The following B4GALNT3 variants were observed in gnomAD, a reference collection of about 807,000 sequenced individuals.
B4GALNT3 encodes beta-1,4-N-acetyl-galactosaminyltransferase 3, also known as beta-1,4-N-acetylgalactosaminyltransferase 3.
A neutral mutation model predicts 120.2 loss-of-function variants in B4GALNT3; 86 were observed. The ratio of observed to expected loss-of-function variants is 0.72; its 90% CI spans 0.60 to 0.86. The LOEUF is 0.86. B4GALNT3 is among the 40% of genes least tolerant of loss of function. The probability of loss-of-function intolerance (pLI) is 0.00; values close to 1 mark genes in which losing one functional copy is unlikely to be tolerated. For synonymous variants in B4GALNT3, 518 were observed against 510.4 expected (o/e 1.01, Z -0.20); for missense variants, 1,167 against 1,298.9 (o/e 0.90, Z 1.56).
intron 13 of B4GALNT3, 30 bp from the exon 14 acceptor site, chr12:553,164 G>C: frequency 6.2e-7 from 1 of 1,602,554 alleles, no homozygotes. Context: ...GGAAACTCTT[G>C]ACATGAGGAA....
chr12:548,640 T>C lies in B4GALNT3; in HGVS notation c.853+343T>C, dbSNP rs7954715. On this transcript the variant is annotated intron_variant, in intron 9 of 19. Coordinates refer to ENST00000266383, the MANE Select transcript of B4GALNT3 (RefSeq NM_173593.4). The surrounding 1 kb of genome is among the most constrained non-coding windows in gnomAD (Gnocchi z 4.9). ...CTAAAAACTCTGAGGCTGGGTGCGG[T>C]GGCTCATACCTGTAATCCCAGCACT... 0.4 allele frequency among the ~76,000 whole-genome samples: 60,279 copies of C among 152,068 alleles called. 12,183 individuals carry two copies. The highest frequency in any genetic ancestry group is 0.52 in the South Asian group (2,488 of 4,818).
chr12:494,391 T>C (rs1267375562), intron 1 of B4GALNT3, among the ~76,000 whole-genome samples: 5 of 152,120 alleles, frequency 3.3e-5, no homozygotes, highest in African/African-American at 1.2e-4. Flanking sequence ...ACATTGCATC[T>C]GGGGTCCCAA....
At chr12:554,015 C>T in intron 14 of B4GALNT3, 32 bp downstream of exon 14, 1 of 1,501,530 alleles carries the variant, frequency 6.7e-7, no homozygotes, top group African/African-American at 1.4e-5. Context: ...GGGCCAGGGA[C>T]TGGGGCACGT....
intron 1 of B4GALNT3, among the ~76,000 whole-genome samples, chr12:524,830 G>T (rs1311615916): frequency 2.6e-5 from 4 of 152,194 alleles, no homozygotes; most frequent in Admixed American, 2.6e-4. Context: ...GACCATTTAT[G>T]TCAAGTGCTT....
intron 3 of B4GALNT3, among the ~76,000 whole-genome samples, chr12:539,861 T>G (rs1330963206): frequency 6.6e-6 from 1 of 152,152 alleles, no homozygotes; most frequent in South Asian, 2.1e-4. Flanking sequence ...CAGAGAACCA[T>G]GATTGTGCCA....
At chr12:474,593 A>C (rs561839911) in intron 1 of B4GALNT3, among the ~76,000 whole-genome samples, 1 of 152,162 alleles carries the variant, frequency 6.6e-6, no homozygotes, top group Non-Finnish European at 1.5e-5. Flanking sequence ...CTAAGGTAGG[A>C]GGATGGCTTG....
At chr12:476,636 C>T (rs946559081) in intron 1 of B4GALNT3, among the ~76,000 whole-genome samples, 3 of 152,128 alleles carry the variant, frequency 2.0e-5, no homozygotes, top group East Asian at 1.9e-4. Flanking sequence ...CTTATCTGAG[C>T]GCCTAGTATG....
rs1261425192 is a variant in B4GALNT3, at chr12:486,401, G to T, written c.169+25856G>T. Among the ~76,000 whole-genome samples the T allele has an allele frequency of 2.6e-5, 4 of 151,904 alleles. No homozygotes were observed. The East Asian group carries it at 7.7e-4, about 29-fold the overall frequency. ...ATTTTTGTCTTTTTAGTAGAGATGG[G>T]GTTTCACCATCTTGGCCAGGCTGGT... On this transcript the variant is annotated intron_variant, in intron 1 of 19. Coordinates refer to ENST00000266383, the MANE Select transcript of B4GALNT3 (RefSeq NM_173593.4).
At position 561,688 on chromosome 12, in the gene B4GALNT3, C is replaced by T. The variant is rs755711688; in HGVS notation, c.*237C>T. On this transcript the variant is annotated 3_prime_UTR_variant, in exon 20 of 20. Coordinates refer to ENST00000266383, the MANE Select transcript of B4GALNT3 (RefSeq NM_173593.4). ...TTGAGAGAGAGGCCAGGAGGGACCA[C>T]TTGCTCAGTCGAGAACGGGAAGAGC... 22 of 506,878 alleles carry T rather than the reference C, an allele frequency of 4.3e-5. No homozygotes were observed. The highest frequency in any genetic ancestry group is 2.4e-4 in the Admixed American group (7 of 29,516). The allele number at this position is 506,878 out of a possible 1,614,324, so 31.4% of individuals were successfully genotyped here.
chr12:524,561 T>G (rs573634674), intron 1 of B4GALNT3, among the ~76,000 whole-genome samples: 6 of 152,174 alleles, frequency 3.9e-5, no homozygotes, highest in African/African-American at 1.4e-4. Context: ...GCCATACCTC[T>G]TTCTGCTTTC....
chr12:526,551 T>G (rs1344758158), intron 1 of B4GALNT3, among the ~76,000 whole-genome samples: 1 of 152,216 alleles, frequency 6.6e-6, no homozygotes. Context: ...CGTCTAGATT[T>G]TCCTAAATCA....
chr12:520,525 A>C (rs1165337863), intron 1 of B4GALNT3, among the ~76,000 whole-genome samples: 1 of 152,276 alleles, frequency 6.6e-6, no homozygotes, highest in Non-Finnish European at 1.5e-5. Flanking sequence ...CCCTGTAGAC[A>C]TAGAGCTGTA....
intron 1 of B4GALNT3, among the ~76,000 whole-genome samples, chr12:499,843 G>A (rs1946422460): frequency 6.6e-6 from 1 of 152,242 alleles, no homozygotes. Flanking sequence ...TACTTTTCAA[G>A]AGAAACAAGA....
Position 559,384 on chromosome 12 carries a change from G to A in B4GALNT3, c.2851G>A (p.Asp951Asn). The change falls in exon 19 of 20, where the codon GAC (aspartate) becomes AAC (asparagine). Residue 951 changes from aspartate (D) to asparagine (N), a missense_variant. By Grantham distance (23) the Asp-to-Asn change is conservative (BLOSUM62 1). Transcript: ENST00000266383. ...GGGCATGAACACCAAGGAGTTCCGA[G>A]ACCGCTGGGGCGGGGAAGACTGGGA... ...IGGMNTKEFR[D>N]RWGGEDWELL... is the part of the protein sequence containing the mutation. 1 of 1,614,072 alleles carries A rather than the reference G, an allele frequency of 6.2e-7. No individual in the cohort carries two copies. The highest frequency in any genetic ancestry group is 8.5e-7 in the Non-Finnish European group (1 of 1,179,968).
chr12:520,945 A>G (rs1946703439), intron 1 of B4GALNT3, among the ~76,000 whole-genome samples: 1 of 152,214 alleles, frequency 6.6e-6, no homozygotes, highest in Non-Finnish European at 1.5e-5. Flanking sequence ...CTGAATAGTC[A>G]GCTCTTCCAT....
chr12:471,865 A>G (rs1946140717), intron 1 of B4GALNT3, among the ~76,000 whole-genome samples: 1 of 152,180 alleles, frequency 6.6e-6, no homozygotes, highest in Non-Finnish European at 1.5e-5. Flanking sequence ...TGATTTTTAC[A>G]TCTTCAAATT....
At chr12:554,993 C>G (rs890491342) in intron 14 of B4GALNT3, among the ~76,000 whole-genome samples, 15 of 151,498 alleles carry the variant, frequency 9.9e-5, no homozygotes, top group African/African-American at 3.6e-4. Context: ...GCTTGACCAA[C>G]ACAGTGAAAC....
chr12:484,753 A>T (rs1475940644), intron 1 of B4GALNT3, among the ~76,000 whole-genome samples: 1 of 150,966 alleles, frequency 6.6e-6, no homozygotes, highest in Non-Finnish European at 1.5e-5. Flanking sequence ...GAAAAGAAAC[A>T]GAGAAGGAAG....
intron 1 of B4GALNT3, among the ~76,000 whole-genome samples, chr12:485,721 A>T (rs1216886956): frequency 3.3e-5 from 5 of 152,194 alleles, no homozygotes; most frequent in Non-Finnish European, 7.3e-5. Flanking sequence ...TTTATTATAT[A>T]TAAATTATAC....
Sources: allele counts gnomAD v4.1 joint callset (sites outside exome capture counted in the v4.1 genomes callset), GRCh38; gene constraint gnomAD v4.1.1; non-coding constraint Gnocchi (gnomAD v3.1); transcripts MANE v1.5; gene names NCBI Gene and HGNC (gene_info 2026-07-23, HGNC 2026-07-21).